The following CDH2 variants were observed in gnomAD, a reference collection of about 807,000 sequenced individuals.
CDH2 encodes cadherin-2.
In CDH2, 17 loss-of-function variants were observed where a neutral mutation model predicts 92.0. The observed-to-expected ratio is 0.18, with a 90% CI of 0.13 to 0.28. The LOEUF (loss-of-function observed/expected upper bound fraction) is 0.28, where lower values mean the gene tolerates loss of function less well. CDH2 is among the 10% of genes least tolerant of loss of function. The probability of loss-of-function intolerance (pLI) is 1.00; values close to 1 mark genes in which losing one functional copy is unlikely to be tolerated. For synonymous variants in CDH2, 419 were observed against 415.9 expected, an observed-to-expected ratio of 1.01 and a Z score of -0.09; for missense variants, 862 against 1,133.1, an observed-to-expected ratio of 0.76 and a Z score of 3.44.
intron 5 of CDH2, 121 bp downstream of exon 5, chr18:28,009,596 C>G: frequency 1.4e-6 from 1 of 718,278 alleles, no homozygotes; most frequent in Non-Finnish European, 2.1e-6. Flanking sequence ...CAAAAGACTA[C>G]AGATACAATT....
intron 15 of CDH2, among the ~76,000 whole-genome samples, chr18:27,958,163 A>T (rs2011297796): frequency 6.6e-6 from 1 of 152,224 alleles, no homozygotes; most frequent in Admixed American, 6.5e-5. Flanking sequence ...CCTTGTAACA[A>T]GGTAACAGAG....
At chr18:28,021,714 ATG>A (rs966012602) in intron 2 of CDH2, among the ~76,000 whole-genome samples, 1 of 151,976 alleles carries the variant, frequency 6.6e-6, no homozygotes, top group African/African-American at 2.4e-5. Context: ...TATATATTAA[ATG>A]TATTAGCATT....
chr18:28,060,095 T>C (rs1349292438), intron 2 of CDH2, among the ~76,000 whole-genome samples: 2 of 152,116 alleles, frequency 1.3e-5, no homozygotes, highest in South Asian at 2.1e-4. Flanking sequence ...GCATAACAGA[T>C]AGTCTTCCTT....
At position 28,108,828 on chromosome 18, in the gene CDH2, G is replaced by A. The variant is rs377594396; in HGVS notation, c.172+38845C>T. 3.4e-5 allele frequency among the ~76,000 whole-genome samples: 5 copies of A among 148,998 alleles called. No homozygotes were observed. The East Asian group carries it at 5.9e-4, about 18-fold the overall frequency. Reference sequence around the variant, plus strand: ...TTTCCCCAAATTTTCTTAACCTCACGTAGAAGCAAGGGTGTCTAAATAAAT... The same window carrying A: ...TTTCCCCAAATTTTCTTAACCTCACATAGAAGCAAGGGTGTCTAAATAAAT... On this transcript the variant is annotated intron_variant, in intron 2 of 15. Coordinates refer to ENST00000269141, the MANE Select transcript of CDH2 (RefSeq NM_001792.5).
At chr18:28,142,792 C>T (rs1175891515) in intron 2 of CDH2, among the ~76,000 whole-genome samples, 1 of 151,910 alleles carries the variant, frequency 6.6e-6, no homozygotes, top group African/African-American at 2.4e-5. Context: ...AACATTTACA[C>T]ATTTGATAAA....
intron 2 of CDH2, among the ~76,000 whole-genome samples, chr18:28,143,637 C>T (rs1422641670): frequency 1.3e-5 from 2 of 151,026 alleles, no homozygotes; most frequent in Non-Finnish European, 2.9e-5. Flanking sequence ...ATAAAGTGGC[C>T]ACAAGACACC....
rs1239038963 is a variant in CDH2, at chr18:28,070,885, CTTAT to C, written c.173-56980_173-56977del. Reference sequence around the variant, plus strand: ...CGAATTAAATTACAATTCGATTTTACTTATTTATTATTTAGGAGACATTCTGTTT... The same window carrying C: ...CGAATTAAATTACAATTCGATTTTACTTATTATTTAGGAGACATTCTGTTT... On this transcript the variant is annotated intron_variant, in intron 2 of 15. Transcript: ENST00000269141. 5.9e-5 allele frequency among the ~76,000 whole-genome samples: 9 copies of C among 152,142 alleles called. No homozygotes were observed. The East Asian group carries it at 1.3e-3, about 23-fold the overall frequency.
intron 2 of CDH2, 48 bp from the exon 3 acceptor site, chr18:28,013,957 G>C: frequency 7.2e-7 from 1 of 1,388,176 alleles, no homozygotes; most frequent in Non-Finnish European, 9.9e-7. Context: ...TACCAAAAAG[G>C]CAAAAAAAAA....
intron 15 of CDH2, among the ~76,000 whole-genome samples, chr18:27,952,675 G>C (rs1909521918): frequency 1.3e-5 from 2 of 152,266 alleles, no homozygotes; most frequent in South Asian, 4.1e-4. Flanking sequence ...GCTTGAGGCA[G>C]AGAAGAAAGG....
chr18:28,002,816 T>C (rs559025839), intron 7 of CDH2, among the ~76,000 whole-genome samples, 181 bp downstream of exon 7: 1 of 152,344 alleles, frequency 6.6e-6, no homozygotes, highest in South Asian at 2.1e-4. Context: ...CCAGTATATA[T>C]ACATCATTTA....
At chr18:28,063,722 G>T (rs2014450494) in intron 2 of CDH2, among the ~76,000 whole-genome samples, 1 of 152,142 alleles carries the variant, frequency 6.6e-6, no homozygotes. Context: ...AATTTTCTTG[G>T]TTAGGACAGA....
intron 1 of CDH2, among the ~76,000 whole-genome samples, chr18:28,163,784 T>C (rs747882333): frequency 6.6e-6 from 1 of 152,232 alleles, no homozygotes; most frequent in Non-Finnish European, 1.5e-5. Context: ...ACATGCATGA[T>C]ACATGTATAC....
chr18:28,057,041 A>T (rs2014306301), intron 2 of CDH2, among the ~76,000 whole-genome samples: 1 of 152,158 alleles, frequency 6.6e-6, no homozygotes, highest in African/African-American at 2.4e-5. Context: ...AAGGAGCTCT[A>T]ATCAGATCTT....
At chr18:28,140,895 G>GATATAT (rs145033713) in intron 2 of CDH2, among the ~76,000 whole-genome samples, 15 of 144,998 alleles carry the variant, frequency 1.0e-4, no homozygotes, top group East Asian at 8.1e-4. Flanking sequence ...CTCCAAACAA[G>GATATAT]ATATATATAT....
At chr18:28,041,497 T>A (rs1599056151) in intron 2 of CDH2, among the ~76,000 whole-genome samples, 1 of 152,194 alleles carries the variant, frequency 6.6e-6, no homozygotes, top group Non-Finnish European at 1.5e-5. Flanking sequence ...CCAGGCAATG[T>A]GCAAAGATGA....
chr18:28,121,215 A>G lies in CDH2; in HGVS notation c.172+26458T>C, dbSNP rs143931143. ...ACACCTAAATAAACTAAATTGTCCA[A>G]GAGATCATTACAAATGACATGAGAA... is the stretch of plus-strand genomic sequence containing the variant. On this transcript the variant is annotated intron_variant, in intron 2 of 15. Transcript: ENST00000269141. Among the ~76,000 whole-genome samples the G allele has an allele frequency of 2.7e-3, 417 of 152,266 alleles. 1 individual carries two copies. Among genetic ancestry groups the G allele is most frequent in the Non-Finnish European group, 4.6e-3 (312 of 68,018 alleles).
intron 2 of CDH2, among the ~76,000 whole-genome samples, chr18:28,014,253 C>T (rs1237693350): frequency 6.6e-6 from 1 of 152,056 alleles, no homozygotes; most frequent in Non-Finnish European, 1.5e-5. Context: ...CTCTTCAGTC[C>T]CAGGTCTAAA....
chr18:28,083,495 A>T (rs11083247), intron 2 of CDH2, among the ~76,000 whole-genome samples: 29,062 of 152,144 alleles, frequency 0.19, 3,577 homozygotes, highest in Non-Finnish European at 0.27. Flanking sequence ...AAAAGACCTT[A>T]GAGATCATTT....
At chr18:27,966,353 C>T (rs1887709722) in intron 14 of CDH2, among the ~76,000 whole-genome samples, 1 of 152,100 alleles carries the variant, frequency 6.6e-6, no homozygotes, top group Admixed American at 6.6e-5. Context: ...CATAATAGCT[C>T]AGGGTGACAA....
Sources: gnomAD v4.1 joint callset for allele counts (sites outside exome capture counted in the v4.1 genomes callset) on GRCh38, gnomAD v4.1.1 for gene constraint, MANE v1.5 for transcripts, NCBI Gene and HGNC (gene_info 2026-07-23, HGNC 2026-07-21) for gene names.